The following ZNF592 variants were observed in gnomAD, a reference collection of about 807,000 sequenced individuals.
ZNF592 encodes spinocerebellar ataxia, autosomal recessive 5.
A neutral mutation model predicts 80.3 loss-of-function variants in ZNF592; 11 were observed. That is an observed-to-expected ratio of 0.14 (90% CI 0.09 to 0.23). The LOEUF (loss-of-function observed/expected upper bound fraction) is 0.23. ZNF592 is among the 10% of genes least tolerant of loss of function. The probability of loss-of-function intolerance (pLI) is 1.00; values close to 1 mark genes in which losing one functional copy is unlikely to be tolerated. For missense variants in ZNF592, 1,420 were observed against 1,633.9 expected (o/e 0.87, Z 2.26); for synonymous variants, 646 against 640.3 (o/e 1.01, Z -0.13).
chr15:84,783,915 A>T lies in ZNF592; in HGVS notation c.1240A>T (p.Ile414Phe), dbSNP rs1360481583. The change falls in exon 4 of 11, where the codon ATT (isoleucine) becomes TTT (phenylalanine). Residue 414 changes from isoleucine to phenylalanine, a missense_variant. Coordinates refer to ENST00000560079, the MANE Select transcript of ZNF592 (RefSeq NM_014630.3). The surrounding 1 kb of genome is among the most constrained non-coding windows in gnomAD (Gnocchi z 5.0). ...TGTTGGGTCACCTCTAGGGAGCGCC[A>T]TTGCAGAGGCCCCCAGCGAGATGCC... ...SPVGSPLGSAIAEAPSEMPGD... is the reference protein window; with the variant it reads ...SPVGSPLGSAFAEAPSEMPGD... 1.2e-6 allele frequency: 2 copies of T among 1,614,038 alleles called. No homozygotes were observed. The highest frequency in any genetic ancestry group is 2.2e-5 in the East Asian group (1 of 44,898).
intron 5 of ZNF592, among the ~76,000 whole-genome samples, chr15:84,794,877 A>G (rs1188318298): frequency 6.6e-6 from 1 of 152,144 alleles, no homozygotes; most frequent in East Asian, 1.9e-4. Flanking sequence ...AGTTTTTTAT[A>G]TCTTCTGAAT....
chr15:84,772,648 A>G (rs1362245329), intron 2 of ZNF592, among the ~76,000 whole-genome samples: 2 of 152,232 alleles, frequency 1.3e-5, no homozygotes, highest in Admixed American at 1.3e-4. Flanking sequence ...GTGGGGGAGC[A>G]GGGTTGAGAG....
intron 1 of ZNF592, among the ~76,000 whole-genome samples, chr15:84,762,808 C>T (rs529542208): frequency 1.3e-5 from 2 of 152,256 alleles, no homozygotes; most frequent in East Asian, 3.9e-4. Context: ...ATTACCTCAC[C>T]TCTCTGGGCC....
intron 1 of ZNF592, among the ~76,000 whole-genome samples, chr15:84,750,823 G>A (rs1898992492): frequency 1.3e-5 from 2 of 152,132 alleles, no homozygotes; most frequent in Non-Finnish European, 2.9e-5. Flanking sequence ...GGGCTGGAGG[G>A]GGAAAGGGAG....
intron 4 of ZNF592, among the ~76,000 whole-genome samples, chr15:84,787,784 T>G (rs1242068269): frequency 2.0e-5 from 3 of 152,182 alleles, no homozygotes; most frequent in African/African-American, 7.2e-5. Flanking sequence ...AAAAATGTCT[T>G]TTTACAGTTG....
At chr15:84,749,568 A>G (rs896596761) in intron 1 of ZNF592, among the ~76,000 whole-genome samples, 3 of 152,252 alleles carry the variant, frequency 2.0e-5, no homozygotes, top group Non-Finnish European at 4.4e-5. Flanking sequence ...GGACTAGTCT[A>G]GAATAGGACT....
intron 1 of ZNF592, among the ~76,000 whole-genome samples, chr15:84,755,308 A>AT (rs1567057651): frequency 6.6e-6 from 1 of 150,466 alleles, no homozygotes; most frequent in African/African-American, 2.4e-5. Context: ...ATTTTTTTTT[A>AT]TTTTTTTAAG....
At chr15:84,772,965 A>G (rs1219645572) in intron 2 of ZNF592, among the ~76,000 whole-genome samples, 2 of 152,212 alleles carry the variant, frequency 1.3e-5, no homozygotes, top group African/African-American at 4.8e-5. Flanking sequence ...CTGAGGTAAC[A>G]GATGGCAAAG....
At chr15:84,796,733 C>A (rs1333615081) in intron 5 of ZNF592, among the ~76,000 whole-genome samples, 1 of 151,592 alleles carries the variant, frequency 6.6e-6, no homozygotes, top group Non-Finnish European at 1.5e-5. Flanking sequence ...CAAATAAACT[C>A]AGAAAATACA....
chr15:84,768,237 T>C (rs1208212526), intron 2 of ZNF592, among the ~76,000 whole-genome samples: 11 of 145,138 alleles, frequency 7.6e-5, no homozygotes, highest in African/African-American at 1.8e-4. Flanking sequence ...TTTCTTTTTT[T>C]TTTTTTTTTT....
chr15:84,802,489 T>C lies in ZNF592; in HGVS notation c.*96T>C. ...AAAATAAAAGGCTCTGCCCCCAGTGTGAGTGTGACCGGTTGTACCCTGGAG... is the reference window on the plus strand; with the variant it reads ...AAAATAAAAGGCTCTGCCCCCAGTGCGAGTGTGACCGGTTGTACCCTGGAG... On this transcript the variant is annotated 3_prime_UTR_variant, in exon 11 of 11. Coordinates refer to ENST00000560079, the MANE Select transcript of ZNF592 (RefSeq NM_014630.3). The C allele has an allele frequency of 1.4e-6, 2 of 1,433,980 alleles. No homozygotes were observed. The highest frequency in any genetic ancestry group is 4.9e-5 in the East Asian group (2 of 41,080). The allele number at this position is 1,433,980 out of a possible 1,614,324, so 88.8% of individuals were successfully genotyped here.
Position 84,798,542 on chromosome 15 carries a change from G to A in ZNF592, c.2737-46G>A. The A allele has an allele frequency of 6.2e-7, 1 of 1,613,934 alleles. No individual in the cohort carries two copies. Among genetic ancestry groups the A allele is most frequent in the Non-Finnish European group, 8.5e-7 (1 of 1,179,964 alleles). ...CCTCAGGCTGGGGGTCTGACTCTGT[G>A]CATCTTTCCCCTTGCCCAGTCAGTA... On this transcript the variant is annotated intron_variant, in intron 7 of 10. Transcript: ENST00000560079. This position sits in a 1 kb window ranked among gnomAD's most constrained non-coding sequence, Gnocchi z 4.5.
intron 5 of ZNF592, among the ~76,000 whole-genome samples, chr15:84,794,753 A>G (rs144585971): frequency 3.3e-5 from 5 of 152,330 alleles, no homozygotes; most frequent in East Asian, 3.9e-4. Context: ...CTGGGATTAC[A>G]GACGTGAGCC....
chr15:84,777,172 T>A (rs1962278355), intron 2 of ZNF592, among the ~76,000 whole-genome samples: 1 of 151,216 alleles, frequency 6.6e-6, no homozygotes, highest in Non-Finnish European at 1.5e-5. Flanking sequence ...ATCAAAAAAA[T>A]TTTTACATTT....
chr15:84,784,129 G>A lies in ZNF592; in HGVS notation c.1454G>A (p.Ser485Asn), dbSNP rs756242153. Residue 485 changes from serine to asparagine, a missense_variant, in exon 4 of 11, where the codon AGC (serine) becomes AAC (asparagine). By Grantham distance (46) the Ser-to-Asn change is conservative. This residue lies in a region of ZNF592 where 524 missense variants were observed against 628.3 expected (regional missense o/e 0.83). Transcript: ENST00000560079. The surrounding 1 kb of genome is among the most constrained non-coding windows in gnomAD (Gnocchi z 5.8). Reference protein sequence around the residue: ...PGSQTGKKQQSTALQASTLAP... With the variant: ...PGSQTGKKQQNTALQASTLAP... ...TCACAGACAGGCAAGAAGCAACAGA[G>A]CACAGCACTGCAGGCATCCACCCTG... 2 of 1,614,150 alleles carry A rather than the reference G, an allele frequency of 1.2e-6. No individual in the cohort carries two copies. The highest frequency in any genetic ancestry group is 1.3e-5 in the African/African-American group (1 of 75,064).
Position 84,799,175 on chromosome 15 carries a change from C to T in ZNF592, c.3102C>T (p.Asn1034=). The T allele has an allele frequency of 6.2e-7, 1 of 1,614,126 alleles. No homozygotes were observed. The highest frequency in any genetic ancestry group is 8.5e-7 in the Non-Finnish European group (1 of 1,180,024). The change falls in exon 9 of 11, where the codon AAC becomes AAT. Residue 1034 remains asparagine (N), a synonymous_variant. Transcript: ENST00000560079. The surrounding 1 kb of genome is among the most constrained non-coding windows in gnomAD (Gnocchi z 4.2). ...ACAGCCTGCGCAAACACATCCGCAA[C>T]AACCATGACACAGTAAAGAAGTTCT... ...TPNSLRKHIR[N]NHDTVKKFYT...
chr15:84,768,230 C>CTTTTTTTTTTTTT (rs995969490), intron 2 of ZNF592, among the ~76,000 whole-genome samples: 9 of 122,340 alleles, frequency 7.4e-5, no homozygotes, highest in East Asian at 2.3e-4. Context: ...TTCTTTCTTT[C>CTTTTTTTTTTTTT]TTTTTTTTTT....
At chr15:84,768,264 T>C (rs1899596002) in intron 2 of ZNF592, among the ~76,000 whole-genome samples, 1 of 145,594 alleles carries the variant, frequency 6.9e-6, no homozygotes, top group Non-Finnish European at 1.5e-5. Flanking sequence ...ACAGTTGTGC[T>C]CTGTCGCCCA....
At chr15:84,758,799 G>A (rs1363208694) in intron 1 of ZNF592, among the ~76,000 whole-genome samples, 4 of 150,852 alleles carry the variant, frequency 2.7e-5, no homozygotes, top group South Asian at 4.2e-4. Context: ...GCACAGACCC[G>A]TATTCAGTCC....
Sources: gnomAD v4.1 joint callset for allele counts (sites outside exome capture counted in the v4.1 genomes callset) on GRCh38, gnomAD v4.1.1 for gene constraint, gnomAD v4.1.1 regional missense constraint, Gnocchi (gnomAD v3.1) non-coding constraint, MANE v1.5 for transcripts, NCBI Gene and HGNC (gene_info 2026-07-23, HGNC 2026-07-21) for gene names.